DYSF: variants seen among roughly 807,000 people sequenced by gnomAD.
DYSF encodes dystrophy-associated fer-1-like 1.
DYSF carries 212 observed loss-of-function variants against 274.9 expected under a neutral mutation model. The observed-to-expected ratio is 0.77, with a 90% confidence interval of 0.69 to 0.86. DYSF has a LOEUF of 0.86. DYSF is among the 40% of genes least tolerant of loss of function. The pLI is 0.00. For missense variants in DYSF, 2,666 were observed against 2,783.2 expected (o/e 0.96, Z 0.95); for synonymous variants, 1,091 against 1,078.7 (o/e 1.01, Z -0.22).
chr2:71,555,664 G>A (rs2091285385), intron 21 of DYSF, among the ~76,000 whole-genome samples: 1 of 152,184 alleles, frequency 6.6e-6, no homozygotes, highest in Admixed American at 6.5e-5. Context: ...GTTTGAGGTA[G>A]CAGGGAGGAG....
At chr2:71,523,766 C>T (rs1181530474) in intron 12 of DYSF, among the ~76,000 whole-genome samples, 2 of 152,090 alleles carry the variant, frequency 1.3e-5, no homozygotes, top group Non-Finnish European at 2.9e-5. Flanking sequence ...AGGCTGGTCT[C>T]AAACTCCTGA....
intron 4 of DYSF, 118 bp from the exon 5 acceptor site, chr2:71,511,689 C>G: frequency 4.0e-6 from 3 of 758,282 alleles, no homozygotes; most frequent in Non-Finnish European, 6.9e-6. Flanking sequence ...TCCTGCAAAC[C>G]TGGCTCTTGT....
At chr2:71,617,735 GGTGTGTGT>G (rs1172243732) in intron 40 of DYSF, among the ~76,000 whole-genome samples, 1 of 141,934 alleles carries the variant, frequency 7.0e-6, no homozygotes, top group South Asian at 2.3e-4. Context: ...TGGTAGAGGT[GGTGTGTGT>G]GTATGTGGGG....
intron 1 of DYSF, among the ~76,000 whole-genome samples, chr2:71,471,536 A>T (rs1481057564): frequency 1.3e-5 from 2 of 152,216 alleles, no homozygotes; most frequent in Non-Finnish European, 2.9e-5. Context: ...GAGAATAAAT[A>T]TGTGTGTGAA....
intron 51 of DYSF, among the ~76,000 whole-genome samples, chr2:71,670,542 C>T (rs1410588383): frequency 6.6e-6 from 1 of 152,240 alleles, no homozygotes; most frequent in Non-Finnish European, 1.5e-5. Flanking sequence ...CCATCACCCT[C>T]CTCTCTCCAC....
chr2:71,611,220 C>T (rs1192103198), intron 36 of DYSF, 25 bp from the exon 37 acceptor site: 2 of 1,564,106 alleles, frequency 1.3e-6, no homozygotes, highest in Non-Finnish European at 8.8e-7. Flanking sequence ...ACCTTTGTCT[C>T]CATTCTACCT....
intron 30 of DYSF, among the ~76,000 whole-genome samples, chr2:71,581,227 C>G (rs539938993): frequency 3.3e-5 from 5 of 152,240 alleles, no homozygotes; most frequent in Non-Finnish European, 5.9e-5. Flanking sequence ...CACGCTCGCG[C>G]CAGCCCACAC....
At chr2:71,493,851 C>A (rs1409978946) in intron 3 of DYSF, among the ~76,000 whole-genome samples, 310 of 69,274 alleles carry the variant, frequency 4.5e-3, no homozygotes, top group South Asian at 6.2e-3. Flanking sequence ...TACTCTGTCT[C>A]AAAAAAAAAA....
chr2:71,553,981 A>G lies in DYSF; in HGVS notation c.2109+50A>G, dbSNP rs733654. The G allele has an allele frequency of 5.5e-3, 8,941 of 1,613,308 alleles. 301 individuals are homozygous for G. The Admixed American group carries it at 0.075, about 14-fold the overall frequency. ...GCACATGCCTATGCATGCACCTGCT[A>G]CCCCCGCTGCATGGGGTGTCTCAGA... On this transcript the variant is annotated intron_variant, in intron 21 of 55. Transcript: ENST00000410020.
At position 71,553,165 on chromosome 2, in the gene DYSF, A is replaced by G; in HGVS notation, c.1961A>G (p.Gln654Arg). 2 of 1,614,122 alleles carry G rather than the reference A, an allele frequency of 1.2e-6. No homozygotes were observed. Among genetic ancestry groups the G allele is most frequent in the Non-Finnish European group, 1.7e-6 (2 of 1,180,036 alleles). ...MTCLPLASTT[Q>R]YSRAVFDGCH... ...TGCCTGCCGCTGGCCTCCACCACTC[A>G]GTACAGCCGTGCAGTCTTTGACGGT... The change falls in exon 20 of 56, where the codon CAG becomes CGG. Residue 654 changes from glutamine (Q) to arginine (R), a missense_variant. Physicochemically the swap from Gln to Arg is conservative, Grantham distance 43. Coordinates refer to ENST00000410020, the MANE Select transcript of DYSF (RefSeq NM_001130987.2).
chr2:71,607,324 C>T (rs924193919), intron 36 of DYSF, among the ~76,000 whole-genome samples: 12 of 152,040 alleles, frequency 7.9e-5, no homozygotes, highest in African/African-American at 2.4e-4. Flanking sequence ...GCAGGGGTTG[C>T]GTGTGTCCCA....
At chr2:71,554,207 C>T (rs1342693856) in intron 21 of DYSF, among the ~76,000 whole-genome samples, 1 of 152,190 alleles carries the variant, frequency 6.6e-6, no homozygotes, top group Admixed American at 6.5e-5. Context: ...ACCTATGCCA[C>T]GCAGCAGGGC....
chr2:71,620,160 C>G (rs928212769), intron 40 of DYSF, among the ~76,000 whole-genome samples: 1 of 152,050 alleles, frequency 6.6e-6, no homozygotes, highest in Non-Finnish European at 1.5e-5. Flanking sequence ...GTTGGAGTGT[C>G]CCTGAAATAG....
chr2:71,526,132 A>C, intron 12 of DYSF, 88 bp from the exon 13 acceptor site: 1 of 1,611,486 alleles, frequency 6.2e-7, no homozygotes, highest in South Asian at 1.1e-5. Flanking sequence ...TGCAGCATTT[A>C]TGTGGCGAAG....
chr2:71,538,518 G>C (rs1256227416), intron 16 of DYSF, among the ~76,000 whole-genome samples: 1 of 152,204 alleles, frequency 6.6e-6, no homozygotes, highest in Admixed American at 6.5e-5. Context: ...CCTTGGGCAA[G>C]TACCTACATG....
At chr2:71,684,334 T>G (rs2095330505) in intron 55 of DYSF, among the ~76,000 whole-genome samples, 1 of 152,240 alleles carries the variant, frequency 6.6e-6, no homozygotes, top group Non-Finnish European at 1.5e-5. Flanking sequence ...CCAGGACTTC[T>G]GCCTGGTGTC....
intron 3 of DYSF, among the ~76,000 whole-genome samples, chr2:71,491,991 C>T (rs1021841222): frequency 6.6e-6 from 1 of 152,206 alleles, no homozygotes; most frequent in Non-Finnish European, 1.5e-5. Flanking sequence ...CCGCTTCTGG[C>T]ATGCTTGGGA....
intron 17 of DYSF, among the ~76,000 whole-genome samples, chr2:71,546,988 T>A (rs1281928234): frequency 6.6e-6 from 1 of 152,204 alleles, no homozygotes. Context: ...TTCCCCCAGG[T>A]GAGGCAGCTG....
intron 3 of DYSF, among the ~76,000 whole-genome samples, chr2:71,482,590 C>T (rs2083015398): frequency 1.3e-5 from 2 of 152,062 alleles, no homozygotes; most frequent in South Asian, 4.2e-4. Flanking sequence ...TCCCCCTAGG[C>T]AGGCGATGAA....
Sources: gnomAD v4.1 joint callset for allele counts (sites outside exome capture counted in the v4.1 genomes callset) on GRCh38, gnomAD v4.1.1 for gene constraint, MANE v1.5 for transcripts, NCBI Gene and HGNC (gene_info 2026-07-23, HGNC 2026-07-21) for gene names.